Variants in ST7 observed in about 807,000 individuals in gnomAD.
ST7 encodes suppressor of tumorigenicity 7 protein.
A neutral mutation model predicts 78.7 loss-of-function variants in ST7; 28 were observed. That is an observed-to-expected ratio of 0.36 (90% CI 0.26 to 0.49). The LOEUF is 0.49. Among genes scored for constraint, ST7 ranks in the 20% least tolerant of loss-of-function variants. The probability of loss-of-function intolerance (pLI) is 0.99; values close to 1 mark genes in which losing one functional copy is unlikely to be tolerated. For missense variants in ST7, 418 were observed against 696.0 expected, an observed-to-expected ratio of 0.60 and a Z score of 4.49; for synonymous variants, 247 against 249.6, an observed-to-expected ratio of 0.99 and a Z score of 0.10.
intron 2 of ST7, among the ~76,000 whole-genome samples, chr7:117,108,973 C>T (rs973655259): frequency 3.3e-5 from 5 of 152,138 alleles, no homozygotes; most frequent in African/African-American, 1.2e-4. Flanking sequence ...TTGCTGAATT[C>T]ATTTACCACT....
chr7:117,115,964 C>T (rs757766145), intron 2 of ST7, among the ~76,000 whole-genome samples: 2 of 152,164 alleles, frequency 1.3e-5, no homozygotes, highest in African/African-American at 4.8e-5. Flanking sequence ...CATCCAACAT[C>T]AACTGAATGC....
At chr7:117,030,366 G>T (rs2116149195) in intron 1 of ST7, among the ~76,000 whole-genome samples, 1 of 152,168 alleles carries the variant, frequency 6.6e-6, no homozygotes, top group East Asian at 1.9e-4. Context: ...TGAATTTGGA[G>T]GAATTATTTG....
chr7:117,195,886 ACT>A (rs1810264806), intron 12 of ST7, among the ~76,000 whole-genome samples: 1 of 151,786 alleles, frequency 6.6e-6, no homozygotes, highest in Non-Finnish European at 1.5e-5. Context: ...CATGACTGAA[ACT>A]CTATTCTTAT....
At chr7:117,099,688 A>C in intron 1 of ST7, 74 bp from the exon 2 acceptor site, 1 of 1,048,196 alleles carries the variant, frequency 9.5e-7, no homozygotes, top group Non-Finnish European at 1.4e-6. Context: ...AGAGAGAAAA[A>C]TGAAAGAGCT....
intron 1 of ST7, chr7:117,014,770 A>G (rs1262766175): frequency 2.8e-6 from 1 of 350,944 alleles, no homozygotes; most frequent in African/African-American, 2.1e-5. Context: ...ATGGGAGTAA[A>G]TAACAGTTAT....
chr7:117,122,097 A>G (rs1245661823), intron 3 of ST7, among the ~76,000 whole-genome samples: 1 of 152,178 alleles, frequency 6.6e-6, no homozygotes, highest in Non-Finnish European at 1.5e-5. Context: ...AGGAGGTGAC[A>G]TTTGATTTGG....
In ST7 at chr7:117,223,964, A is replaced by AT. The variant is rs950621496; in HGVS notation, c.1638+1911dup. 1,734 of 962,494 alleles carry AT rather than the reference A, an allele frequency of 1.8e-3. 3 individuals carry two copies. The highest frequency in any genetic ancestry group is 2.0e-3 in the Non-Finnish European group (1,646 of 809,550). 59.6% of individuals were successfully genotyped at this position (962,494 alleles called of 1,614,324 possible). On this transcript the variant is annotated intron_variant, in intron 15 of 15. Coordinates refer to ENST00000323984, the MANE Select transcript of ST7 (RefSeq NM_001369598.1). ...ATGGAAAAATCAGATACAGCTTAGT[A>AT]TTTTTTTTTCTCTTCTTGTATACTT...
At chr7:117,199,374 G>A (rs944989626) in intron 12 of ST7, among the ~76,000 whole-genome samples, 1 of 152,258 alleles carries the variant, frequency 6.6e-6, no homozygotes, top group Non-Finnish European at 1.5e-5. Flanking sequence ...CATTATCAGA[G>A]TTGGTAAGGC....
chr7:117,049,187 A>C (rs1341861451), intron 1 of ST7, among the ~76,000 whole-genome samples: 3 of 152,220 alleles, frequency 2.0e-5, no homozygotes, highest in African/African-American at 7.2e-5. Context: ...ATTTGCACTG[A>C]ACAGTAGAAG....
intron 14 of ST7, 113 bp from the exon 15 acceptor site, chr7:117,221,810 C>A: frequency 8.1e-7 from 1 of 1,241,076 alleles, no homozygotes; most frequent in Non-Finnish European, 1.1e-6. Flanking sequence ...TTTTTCATTT[C>A]CCATAGGCTT....
Position 117,132,007 on chromosome 7 carries a change from G to C in ST7, c.641+47G>C, listed in dbSNP as rs1804397638. ...TGTTAAAAAGGAAATCTCATCCTTTGCTGAATATATTCAGTTGCCATTGAT... is the reference window on the plus strand; with the variant it reads ...TGTTAAAAAGGAAATCTCATCCTTTCCTGAATATATTCAGTTGCCATTGAT... On this transcript the variant is annotated intron_variant, in intron 6 of 15. Transcript: ENST00000323984. 4 of 1,505,086 alleles carry C rather than the reference G, an allele frequency of 2.7e-6. No homozygotes were observed. The South Asian group carries it at 4.5e-5, about 17-fold the overall frequency. 93.2% of individuals were successfully genotyped at this position (1,505,086 alleles called of 1,614,324 possible). A position where few individuals can be genotyped will look rare whatever the true frequency, so the allele number is the denominator to read the frequency against.
chr7:117,063,451 A>G (rs184586646), intron 1 of ST7, among the ~76,000 whole-genome samples: 4 of 152,302 alleles, frequency 2.6e-5, no homozygotes, highest in African/African-American at 9.6e-5. Context: ...GCTCATGCCT[A>G]TAATCCTAGC....
chr7:117,144,780 A>AT (rs1206164710), intron 9 of ST7, among the ~76,000 whole-genome samples: 1 of 152,160 alleles, frequency 6.6e-6, no homozygotes, highest in Admixed American at 6.5e-5. Context: ...ATAGCTGTCT[A>AT]TTTTTTGTAT....
At chr7:117,178,021 C>G (rs938009057) in intron 10 of ST7, among the ~76,000 whole-genome samples, 2 of 152,172 alleles carry the variant, frequency 1.3e-5, no homozygotes, top group African/African-American at 4.8e-5. Flanking sequence ...TTGGGTCATG[C>G]TTCCAAGAGC....
At chr7:117,088,557 C>A (rs1203527559) in intron 1 of ST7, among the ~76,000 whole-genome samples, 1 of 152,140 alleles carries the variant, frequency 6.6e-6, no homozygotes, top group African/African-American at 2.4e-5. Context: ...GTATTTTGAA[C>A]CCTTTTATTA....
chr7:117,022,650 T>C lies in ST7; in HGVS notation c.151+68959T>C, dbSNP rs116447886. On this transcript the variant is annotated intron_variant, in intron 1 of 15. Coordinates refer to ENST00000323984, the MANE Select transcript of ST7 (RefSeq NM_001369598.1). Reference sequence around the variant, plus strand: ...GGGATCTCCCAAACCATCTAGGGTGTTCTTACTAAATTATCGTAAGAAATA... The same window carrying C: ...GGGATCTCCCAAACCATCTAGGGTGCTCTTACTAAATTATCGTAAGAAATA... 1.1e-3 allele frequency among the ~76,000 whole-genome samples: 162 copies of C among 152,334 alleles called. 1 individual carries two copies. The highest frequency in any genetic ancestry group is 3.8e-3 in the African/African-American group (157 of 41,568).
At position 117,136,062 on chromosome 7, in the gene ST7, C is replaced by A; in HGVS notation, c.711-19C>A. On this transcript the variant is annotated intron_variant, in intron 7 of 15. Transcript: ENST00000323984. ...TCCTTGGCTTTGTAATTGATGGTGG[C>A]TATTATCTGAATGAACAGGTGTGCA... is the stretch of plus-strand genomic sequence containing the variant. 1.9e-6 allele frequency: 3 copies of A among 1,611,380 alleles called. No homozygotes were observed. Among genetic ancestry groups the A allele is most frequent in the Non-Finnish European group, 2.5e-6 (3 of 1,178,412 alleles).
rs561529667 is a variant in ST7 at position 116,988,650 on chromosome 7, A to G, written c.151+34959A>G. 8.5e-5 allele frequency among the ~76,000 whole-genome samples: 13 copies of G among 152,350 alleles called. No individual in the cohort carries two copies. In the East Asian group the frequency reaches 2.5e-3, roughly 29 times the overall value. ...AATCTATGTGATCATAGCTATTGAAATAATTGAAGGTAGTGATTAAAATGA... is the reference window on the plus strand; with the variant it reads ...AATCTATGTGATCATAGCTATTGAAGTAATTGAAGGTAGTGATTAAAATGA... On this transcript the variant is annotated intron_variant, in intron 1 of 15. Transcript: ENST00000323984.
At chr7:117,073,112 G>A (rs932217011) in intron 1 of ST7, 3 of 152,198 alleles carry the variant, frequency 2.0e-5, no homozygotes, top group East Asian at 3.9e-4. Context: ...AGACTGACAG[G>A]GGGTATTAAG....
Sources: allele counts gnomAD v4.1 joint callset (sites outside exome capture counted in the v4.1 genomes callset), GRCh38; gene constraint gnomAD v4.1.1; transcripts MANE v1.5; gene names NCBI Gene and HGNC (gene_info 2026-07-23, HGNC 2026-07-21).